ASXL3: variants seen among roughly 807,000 people sequenced by gnomAD.
The protein encoded by ASXL3 is putative Polycomb group protein ASXL3.
In ASXL3, 34 loss-of-function variants were observed where a neutral mutation model predicts 170.6. That is an observed-to-expected ratio of 0.20 (90% CI 0.15 to 0.27). The LOEUF is 0.27. Among genes scored for constraint, ASXL3 ranks in the 10% least tolerant of loss-of-function variants. ASXL3 has a pLI of 1.00. For synonymous variants in ASXL3, 1,002 were observed against 989.1 expected (o/e 1.01, Z -0.24); for missense variants, 2,592 against 2,695.3 (o/e 0.96, Z 0.85).
At chr18:33,667,065 A>C (rs968819232) in intron 5 of ASXL3, among the ~76,000 whole-genome samples, 3 of 152,080 alleles carry the variant, frequency 2.0e-5, no homozygotes, top group African/African-American at 7.2e-5. Flanking sequence ...AGCTAGAGAG[A>C]GCGTGGTTTA....
At chr18:33,700,116 A>G (rs575472762) in intron 8 of ASXL3, among the ~76,000 whole-genome samples, 1 of 152,178 alleles carries the variant, frequency 6.6e-6, no homozygotes, top group East Asian at 1.9e-4. Flanking sequence ...CTGGAACAGC[A>G]TGTTAAGGAG....
At chr18:33,665,523 C>T (rs2066243220) in intron 5 of ASXL3, among the ~76,000 whole-genome samples, 1 of 152,180 alleles carries the variant, frequency 6.6e-6, no homozygotes, top group African/African-American at 2.4e-5. Flanking sequence ...GTGATATTTT[C>T]AGATTTTCAG....
At position 33,739,367 on chromosome 18, in the gene ASXL3, A is replaced by G. The variant is rs369321765; in HGVS notation, c.1963A>G (p.Ser655Gly). ...GACAACATTTTGTTCTGAGGTATCT[A>G]GCACTGAAAATACAGACAAATACAA... is the stretch of plus-strand genomic sequence containing the variant. ...LETTFCSEVSSTENTDKYNQR... is the reference protein window; with the variant it reads ...LETTFCSEVSGTENTDKYNQR... Residue 655 changes from serine to glycine, a missense_variant, in exon 11 of 12, where the codon AGC becomes GGC. Ser to Gly is a moderately conservative substitution (Grantham distance 56). Around this residue, in one of 4 missense-constraint regions of ASXL3, gnomAD observed 2,246 missense variants for 2,219.6 expected, o/e 1.01. Coordinates refer to ENST00000269197, the MANE Select transcript of ASXL3 (RefSeq NM_030632.3). 1.6e-5 allele frequency: 26 copies of G among 1,613,694 alleles called. No homozygotes were observed. The highest frequency in any genetic ancestry group is 2.2e-5 in the Non-Finnish European group (26 of 1,179,784).
intron 2 of ASXL3, among the ~76,000 whole-genome samples, chr18:33,620,354 C>T (rs1304121922): frequency 6.6e-6 from 1 of 151,986 alleles, no homozygotes; most frequent in Non-Finnish European, 1.5e-5. Context: ...AGATTGTTGT[C>T]AGTGAGGTAG....
intron 8 of ASXL3, among the ~76,000 whole-genome samples, chr18:33,696,041 A>G (rs970544775): frequency 4.6e-5 from 7 of 152,142 alleles, no homozygotes; most frequent in African/African-American, 1.7e-4. Flanking sequence ...TAGATTACAC[A>G]TTAGTGCCTG....
At chr18:33,648,678 G>A (rs1387909736) in intron 4 of ASXL3, among the ~76,000 whole-genome samples, 3 of 151,962 alleles carry the variant, frequency 2.0e-5, no homozygotes, top group Non-Finnish European at 2.9e-5. Context: ...CATTACCAAG[G>A]AACTGAAGGT....
intron 2 of ASXL3, among the ~76,000 whole-genome samples, chr18:33,631,154 T>G (rs552001980): frequency 6.6e-6 from 1 of 152,142 alleles, no homozygotes; most frequent in East Asian, 1.9e-4. Flanking sequence ...GAAAATATTT[T>G]TAGTTAATAT....
chr18:33,636,328 AACAACAGCAACAACAACAGCC>A (rs1459992844), intron 2 of ASXL3, among the ~76,000 whole-genome samples: 256 of 104,418 alleles, frequency 2.5e-3, no homozygotes, highest in African/African-American at 8.0e-3. Context: ...CAACAACAAC[AACAACAGCAACAACAACAGCC>A]ACAACAACAG....
At chr18:33,678,910 T>C (rs1035442112) in intron 7 of ASXL3, among the ~76,000 whole-genome samples, 1 of 152,202 alleles carries the variant, frequency 6.6e-6, no homozygotes, top group Admixed American at 6.5e-5. Flanking sequence ...TTTGCTTAGG[T>C]GGACATCTTT....
At chr18:33,631,890 T>G (rs2065682092) in intron 2 of ASXL3, among the ~76,000 whole-genome samples, 1 of 152,138 alleles carries the variant, frequency 6.6e-6, no homozygotes, top group African/African-American at 2.4e-5. Context: ...TTTTGATAGT[T>G]TTGTGGTAGT....
chr18:33,650,437 G>A (rs1025380093), intron 4 of ASXL3, among the ~76,000 whole-genome samples: 4 of 152,066 alleles, frequency 2.6e-5, no homozygotes, highest in African/African-American at 7.2e-5. Context: ...GCATTCCAGA[G>A]GAACCAGTGT....
intron 8 of ASXL3, among the ~76,000 whole-genome samples, chr18:33,685,791 C>T (rs1402515939): frequency 6.6e-6 from 1 of 152,116 alleles, no homozygotes; most frequent in Non-Finnish European, 1.5e-5. Context: ...GTGCCAGACT[C>T]TTGTAAACAA....
intron 8 of ASXL3, among the ~76,000 whole-genome samples, chr18:33,684,613 A>G (rs1237523721): frequency 6.6e-6 from 1 of 152,128 alleles, no homozygotes; most frequent in African/African-American, 2.4e-5. Flanking sequence ...TTCTCTTTCA[A>G]TAACATTTAC....
chr18:33,692,319 A>C (rs952239390), intron 8 of ASXL3, among the ~76,000 whole-genome samples: 2 of 152,162 alleles, frequency 1.3e-5, no homozygotes, highest in Non-Finnish European at 2.9e-5. Context: ...GAGGGACTGA[A>C]GCATAGAACA....
Position 33,732,046 on chromosome 18 carries a change from A to C in ASXL3, c.958A>C (p.Lys320Gln). ...CTTTGCATATGCAGCACAAGGGTGG[A>C]AACAGCGACTGGCAGAAGGTAAATT... The part of the protein sequence containing the change: ...EFFAYAAQGW[K>Q]QRLAEGEFTP... Residue 320 changes from lysine to glutamine, a missense_variant, in exon 9 of 12, where the codon AAA becomes CAA. Transcript: ENST00000269197. 1 of 1,612,996 alleles carries C rather than the reference A, an allele frequency of 6.2e-7. No homozygotes were observed. The highest frequency in any genetic ancestry group is 1.7e-4 in the Middle Eastern group (1 of 6,048).
chr18:33,655,126 A>C (rs779603366), intron 4 of ASXL3, among the ~76,000 whole-genome samples: 1 of 152,052 alleles, frequency 6.6e-6, no homozygotes, highest in African/African-American at 2.4e-5. Context: ...GCATCATATG[A>C]TATCAGCCAC....
chr18:33,692,400 C>T (rs2066700948), intron 8 of ASXL3, among the ~76,000 whole-genome samples: 1 of 152,096 alleles, frequency 6.6e-6, no homozygotes, highest in South Asian at 2.1e-4. Context: ...TCCTCAAACC[C>T]AAGCCTTTTC....
At chr18:33,667,126 T>C (rs2066269953) in intron 5 of ASXL3, among the ~76,000 whole-genome samples, 1 of 152,142 alleles carries the variant, frequency 6.6e-6, no homozygotes, top group South Asian at 2.1e-4. Context: ...GCCTCTTATG[T>C]ATCCACTAAT....
At position 33,743,894 on chromosome 18, in the gene ASXL3, A is replaced by C; in HGVS notation, c.4046A>C (p.Asn1349Thr). ...GTGCCAACTCCCTCCATCGGAAACA[A>C]TTTGCCAAACCTCTCCACTAGCTCT... ...TSVPTPSIGN[N>T]LPNLSTSSVL... The change falls in exon 12 of 12, where the codon AAT becomes ACT. Residue 1349 changes from asparagine (N) to threonine (T), a missense_variant. Physicochemically the swap from Asn to Thr is moderately conservative, Grantham distance 65. Coordinates refer to ENST00000269197, the MANE Select transcript of ASXL3 (RefSeq NM_030632.3). 1 of 1,613,936 alleles carries C rather than the reference A, an allele frequency of 6.2e-7. No homozygotes were observed. The highest frequency in any genetic ancestry group is 8.5e-7 in the Non-Finnish European group (1 of 1,179,872).
Sources: allele counts gnomAD v4.1 joint callset (sites outside exome capture counted in the v4.1 genomes callset), GRCh38; gene constraint gnomAD v4.1.1; regional missense constraint gnomAD v4.1.1; transcripts MANE v1.5; gene names NCBI Gene and HGNC (gene_info 2026-07-23, HGNC 2026-07-21).